Variants in GRID2 observed in about 807,000 individuals in gnomAD.
GRID2 encodes the protein glutamate receptor ionotropic, delta-2.
A neutral mutation model predicts 114.8 loss-of-function variants in GRID2; 33 were observed. The observed-to-expected ratio is 0.29, with a 90% CI of 0.22 to 0.38. The LOEUF (loss-of-function observed/expected upper bound fraction) is 0.38. Ranked by LOEUF, GRID2 falls within the 10% of genes least tolerant of loss-of-function variation. GRID2 has a pLI of 1.00. For missense variants in GRID2, 1,184 were observed against 1,257.7 expected (o/e 0.94, Z 0.89); for synonymous variants, 505 against 449.9 (o/e 1.12, Z -1.55).
intron 14 of GRID2, among the ~76,000 whole-genome samples, chr4:93,738,306 A>T (rs2110244394): frequency 6.6e-6 from 1 of 152,250 alleles, no homozygotes; most frequent in East Asian, 1.9e-4. Flanking sequence ...AGGAATCCAT[A>T]TAAGGGTTAT....
intron 1 of GRID2, among the ~76,000 whole-genome samples, chr4:92,370,069 A>C (rs75458404): frequency 0.016 from 2,480 of 152,228 alleles, 37 homozygotes; most frequent in Non-Finnish European, 0.025. Flanking sequence ...TATTGGCATA[A>C]TTTTACCAAC....
chr4:93,297,154 G>T (rs1285307629), intron 8 of GRID2, among the ~76,000 whole-genome samples: 1 of 152,124 alleles, frequency 6.6e-6, no homozygotes, highest in Non-Finnish European at 1.5e-5. Context: ...TCCATGACAA[G>T]GTCAAGGAAA....
intron 2 of GRID2, among the ~76,000 whole-genome samples, chr4:92,966,992 A>C (rs1261289004): frequency 6.6e-6 from 1 of 151,920 alleles, no homozygotes; most frequent in African/African-American, 2.4e-5. Context: ...ATACTGAGAG[A>C]TTATGCAATT....
At chr4:92,442,116 C>T (rs1167676752) in intron 1 of GRID2, among the ~76,000 whole-genome samples, 2 of 131,610 alleles carry the variant, frequency 1.5e-5, no homozygotes, top group African/African-American at 5.1e-5. Flanking sequence ...GGAGTGGGTG[C>T]CTCCATATTG....
chr4:93,715,311 C>T (rs913468825), intron 14 of GRID2, among the ~76,000 whole-genome samples: 28 of 152,134 alleles, frequency 1.8e-4, no homozygotes, highest in African/African-American at 6.8e-4. Context: ...TGTACCAGTA[C>T]CATGCTATTT....
intron 1 of GRID2, among the ~76,000 whole-genome samples, chr4:92,554,407 TC>T (rs1481732201): frequency 6.6e-6 from 1 of 152,210 alleles, no homozygotes; most frequent in East Asian, 1.9e-4. Flanking sequence ...AAGGTTCTGT[TC>T]CGAGTATAAA....
At chr4:93,589,055 T>TTTA (rs543728508) in intron 13 of GRID2, among the ~76,000 whole-genome samples, 198 of 151,978 alleles carry the variant, frequency 1.3e-3, no homozygotes, top group African/African-American at 3.8e-3. Flanking sequence ...ATTTATTTAT[T>TTTA]TTATTATTAT....
chr4:92,704,725 C>CTCTCTCTCTCTCTT (rs1553918674), intron 2 of GRID2, among the ~76,000 whole-genome samples: 41 of 133,252 alleles, frequency 3.1e-4, no homozygotes, highest in South Asian at 7.8e-4. Context: ...CTCTCTCTTT[C>CTCTCTCTCTCTCTT]TCTCTCTCTC....
At chr4:93,101,224 G>T (rs569458042) in intron 3 of GRID2, among the ~76,000 whole-genome samples, 1 of 151,940 alleles carries the variant, frequency 6.6e-6, no homozygotes, top group African/African-American at 2.4e-5. Context: ...ATCAAATCAG[G>T]GTAGTTGAGA....
rs527770693 is a variant in GRID2 at position 92,975,156 on chromosome 4, C to CA, written c.245-109818dup. Among the ~76,000 whole-genome samples the CA allele has an allele frequency of 6.6e-3, 308 of 46,484 alleles. 16 individuals carry two copies. The highest frequency in any genetic ancestry group is 8.2e-3 in the Non-Finnish European group (222 of 27,156). The allele number at this position is 46,484 out of a possible 152,430, so 30.5% of individuals were successfully genotyped here. A position where few individuals can be genotyped will look rare whatever the true frequency, so the allele number is the denominator to read the frequency against. On this transcript the variant is annotated intron_variant, in intron 2 of 15. Coordinates refer to ENST00000282020, the MANE Select transcript of GRID2 (RefSeq NM_001510.4). The stretch of plus-strand genomic sequence containing the variant: ...TGGGCGACAGAGTGAGATTCCGCCT[C>CA]AAAAAAAAAAAAAAAAAAAAAGGTG...
intron 2 of GRID2, among the ~76,000 whole-genome samples, chr4:92,677,267 AT>A (rs1249256104): frequency 6.6e-6 from 1 of 152,152 alleles, no homozygotes; most frequent in African/African-American, 2.4e-5. Flanking sequence ...TAAAGAGCAA[AT>A]TTTAAGTTAT....
rs766889040 is a variant in GRID2, at chr4:93,145,047, C to T, written c.735+34094C>T. ...TCTCACATATGGACATTACAATAGCCGTTTTCTCTTCCCAGAATGCTTTTT... is the reference window on the plus strand; with the variant it reads ...TCTCACATATGGACATTACAATAGCTGTTTTCTCTTCCCAGAATGCTTTTT... On this transcript the variant is annotated intron_variant, in intron 4 of 15. Coordinates refer to ENST00000282020, the MANE Select transcript of GRID2 (RefSeq NM_001510.4). Among the ~76,000 whole-genome samples, 8 of 152,208 alleles carry T rather than the reference C, an allele frequency of 5.3e-5. No homozygotes were observed. In the East Asian group the frequency reaches 9.7e-4, roughly 18 times the overall value.
intron 12 of GRID2, among the ~76,000 whole-genome samples, chr4:93,495,686 C>T (rs1250795969): frequency 6.6e-6 from 1 of 151,676 alleles, no homozygotes; most frequent in Non-Finnish European, 1.5e-5. Flanking sequence ...TGTATATTTA[C>T]AGCAATTAAC....
intron 1 of GRID2, among the ~76,000 whole-genome samples, chr4:92,449,963 CAGTA>C (rs1312256149): frequency 2.0e-5 from 3 of 151,618 alleles, no homozygotes; most frequent in Non-Finnish European, 4.4e-5. Context: ...TCTTGGCTCA[CAGTA>C]AGAGCATGTA....
chr4:93,136,761 G>A (rs1735292168), intron 4 of GRID2, among the ~76,000 whole-genome samples: 1 of 152,104 alleles, frequency 6.6e-6, no homozygotes, highest in East Asian at 1.9e-4. Flanking sequence ...ATAGTACTAA[G>A]TGAATACGAC....
chr4:93,021,795 T>G (rs995396950), intron 2 of GRID2, among the ~76,000 whole-genome samples: 1 of 146,466 alleles, frequency 6.8e-6, no homozygotes, highest in African/African-American at 2.5e-5. Flanking sequence ...TATTATATAT[T>G]ATTTTTATAA....
chr4:92,369,124 A>G (rs1331841084), intron 1 of GRID2, among the ~76,000 whole-genome samples: 1 of 152,076 alleles, frequency 6.6e-6, no homozygotes, highest in Non-Finnish European at 1.5e-5. Context: ...CCAGTAATAT[A>G]CTTCACAAAA....
chr4:93,659,344 TGTC>T (rs938845310), intron 14 of GRID2, among the ~76,000 whole-genome samples: 8 of 152,178 alleles, frequency 5.3e-5, no homozygotes, highest in Non-Finnish European at 4.4e-5. Flanking sequence ...TTTATAAAGT[TGTC>T]GTCACACCTG....
At chr4:93,094,355 A>T (rs1731024807) in intron 3 of GRID2, among the ~76,000 whole-genome samples, 1 of 152,050 alleles carries the variant, frequency 6.6e-6, no homozygotes, top group African/African-American at 2.4e-5. Context: ...GACACCTGGA[A>T]AATTTTGAAA....
Sources: gnomAD v4.1 joint callset for allele counts (sites outside exome capture counted in the v4.1 genomes callset) on GRCh38, gnomAD v4.1.1 for gene constraint, MANE v1.5 for transcripts, NCBI Gene and HGNC (gene_info 2026-07-23, HGNC 2026-07-21) for gene names.